The following MAP7D2 variants were observed in gnomAD, a reference collection of about 807,000 sequenced individuals.
The protein encoded by MAP7D2 is MAP7 domain-containing protein 2.
MAP7D2 carries 33 observed loss-of-function variants against 63.5 expected under a neutral mutation model. The ratio of observed to expected loss-of-function variants is 0.52; its 90% CI spans 0.39 to 0.70. MAP7D2 has a LOEUF of 0.70. Ranked by LOEUF, MAP7D2 falls within the 30% of genes least tolerant of loss-of-function variation. The pLI is 0.00. For missense variants in MAP7D2, 626 were observed against 604.0 expected, an observed-to-expected ratio of 1.04 and a Z score of -0.38; for synonymous variants, 224 against 223.7, an observed-to-expected ratio of 1.00 and a Z score of -0.01.
chrX:20,094,513 TA>T (rs2066171218), intron 1 of MAP7D2, among the ~76,000 whole-genome samples: 1 of 6,018 alleles, frequency 1.7e-4, no homozygotes, highest in Non-Finnish European at 2.4e-4. Context: ...TATATATATA[TA>T]TGTATATATA....
chrX:20,080,269 G>C (rs926352927), intron 1 of MAP7D2, among the ~76,000 whole-genome samples: 1 of 110,418 alleles, frequency 9.1e-6, no homozygotes, highest in Non-Finnish European at 1.9e-5. Flanking sequence ...TTCCCTGTGC[G>C]GTGGTTGCAA....
At chrX:20,056,010 G>A (rs2065061253) in intron 4 of MAP7D2, among the ~76,000 whole-genome samples, 1 of 111,959 alleles carries the variant, frequency 8.9e-6, no homozygotes, top group Non-Finnish European at 1.9e-5. Context: ...ATACAGCAAA[G>A]TCAAGAACTG....
intron 1 of MAP7D2, among the ~76,000 whole-genome samples, chrX:20,093,581 C>T (rs1277426174): frequency 9.0e-6 from 1 of 110,794 alleles, no homozygotes; most frequent in African/African-American, 3.3e-5. Context: ...CGCTTGAACC[C>T]GGGAGGCAGA....
Position 20,027,242 on chromosome X carries a change from C to G in MAP7D2, c.1008-1290G>C, listed in dbSNP as rs776576242. ...GGATGGTGCTTCGACTCTCTGCAGA[C>G]TATTCTCCCCTCTGGCCTTGGGCTC... is the stretch of plus-strand genomic sequence containing the variant. On this transcript the variant is annotated intron_variant, in intron 8 of 16. Coordinates refer to ENST00000379643, the MANE Select transcript of MAP7D2 (RefSeq NM_001168465.2). Among the ~76,000 whole-genome samples the G allele has an allele frequency of 1.1e-4, 12 of 112,488 alleles. No homozygotes were observed. The South Asian group carries it at 2.6e-3, about 24-fold the overall frequency.
At position 20,056,711 on chromosome X, in the gene MAP7D2, T is replaced by A; in HGVS notation, c.453A>T (p.Ala151=). The change falls in exon 4 of 17, where the codon GCA becomes GCT. Residue 151 remains alanine, a synonymous_variant. Coordinates refer to ENST00000379643, the MANE Select transcript of MAP7D2 (RefSeq NM_001168465.2). ...LELKKKYSWG[A]PLAIGPGGHD... ...GTCCTCCGGGTCCAATGGCCAGTGGTGCTCCCCACGAATACTTCTTTTTCA... is the reference window on the plus strand; with the variant it reads ...GTCCTCCGGGTCCAATGGCCAGTGGAGCTCCCCACGAATACTTCTTTTTCA... 2.5e-6 allele frequency: 3 copies of A among 1,211,171 alleles called. No individual in the cohort carries two copies. The African/African-American group carries it at 5.2e-5, about 21-fold the overall frequency.
At chrX:20,049,879 T>TA (rs748068415) in intron 6 of MAP7D2, 1 of 320,354 alleles carries the variant, frequency 3.1e-6, no homozygotes, top group South Asian at 2.8e-5. Context: ...CTAGTCATCC[T>TA]AGTGGGTGTA....
chrX:20,063,859 G>A lies in MAP7D2; in HGVS notation c.209-282C>T, dbSNP rs758489795. ...GTTAAGATTGAACAAGATGATGACC[G>A]TGAAGTTCACAGTAAGTGCCTCCCC... On this transcript the variant is annotated intron_variant, in intron 2 of 16. Coordinates refer to ENST00000379643, the MANE Select transcript of MAP7D2 (RefSeq NM_001168465.2). Among the ~76,000 whole-genome samples the A allele has an allele frequency of 2.4e-4, 27 of 112,444 alleles. No homozygotes were observed. The East Asian group carries it at 6.2e-3, about 26-fold the overall frequency.
intron 1 of MAP7D2, among the ~76,000 whole-genome samples, chrX:20,081,228 G>A (rs2065769474): frequency 8.9e-6 from 1 of 112,108 alleles, no homozygotes. Context: ...TCTATTCATG[G>A]TGATGTGTAT....
chrX:20,101,009 A>G (rs1185184170), intron 1 of MAP7D2, among the ~76,000 whole-genome samples: 1 of 106,944 alleles, frequency 9.4e-6, no homozygotes, highest in African/African-American at 3.5e-5. Flanking sequence ...CAACAAGAGT[A>G]AAACTCCGTC....
At chrX:20,013,182 A>G (rs1199511541) in intron 13 of MAP7D2, 50 bp from the exon 14 acceptor site, 1 of 962,026 alleles carries the variant, frequency 1.0e-6, no homozygotes, top group Non-Finnish European at 1.5e-6. Flanking sequence ...GACATCACAC[A>G]GAAAAAAAGT....
intron 3 of MAP7D2, 38 bp downstream of exon 3, chrX:20,063,376 G>A (rs1346551438): frequency 1.2e-5 from 14 of 1,192,498 alleles, no homozygotes; most frequent in Admixed American, 4.5e-5. Flanking sequence ...GCCTGCTGAG[G>A]GGGCTGGAAG....
intron 3 of MAP7D2, among the ~76,000 whole-genome samples, chrX:20,059,118 T>C (rs912417532): frequency 5.3e-5 from 6 of 112,435 alleles, no homozygotes; most frequent in East Asian, 2.8e-4. Flanking sequence ...TGATAATGAC[T>C]AGTATGCAGT....
intron 6 of MAP7D2, chrX:20,049,818 G>A: frequency 3.1e-6 from 1 of 324,734 alleles, no homozygotes. Context: ...TGAGGGAAGA[G>A]TGTCTCCACA....
intron 1 of MAP7D2, among the ~76,000 whole-genome samples, chrX:20,101,897 C>A (rs181217597): frequency 5.3e-5 from 6 of 112,664 alleles, no homozygotes; most frequent in African/African-American, 1.9e-4. Context: ...CTGAACTGTA[C>A]ACTTCAAAAT....
chrX:20,093,997 T>A (rs1233979665), intron 1 of MAP7D2, among the ~76,000 whole-genome samples: 2 of 111,773 alleles, frequency 1.8e-5, no homozygotes, highest in Non-Finnish European at 3.8e-5. Flanking sequence ...AACTAAAGGA[T>A]GAGAACAAGT....
intron 1 of MAP7D2, among the ~76,000 whole-genome samples, chrX:20,114,410 T>A (rs144759570): frequency 6.7e-4 from 75 of 112,526 alleles, no homozygotes; most frequent in Non-Finnish European, 1.1e-3. Flanking sequence ...AAAGGAAATA[T>A]GGTTGAGATC....
At chrX:20,060,430 G>GAA (rs1569098322) in intron 3 of MAP7D2, among the ~76,000 whole-genome samples, 1,111 of 58,756 alleles carry the variant, frequency 0.019, 25 homozygotes, top group African/African-American at 0.072. Flanking sequence ...GAGAGAGAGA[G>GAA]AGAGAAAGAA....
intron 1 of MAP7D2, among the ~76,000 whole-genome samples, chrX:20,076,768 G>C (rs1012919058): frequency 3.6e-5 from 4 of 111,214 alleles, no homozygotes; most frequent in African/African-American, 1.3e-4. Flanking sequence ...GAGAAATAGG[G>C]AACTACTTTA....
At chrX:20,022,350 C>A (rs1268702524) in intron 10 of MAP7D2, among the ~76,000 whole-genome samples, 1 of 111,135 alleles carries the variant, frequency 9.0e-6, no homozygotes, top group African/African-American at 3.3e-5. Flanking sequence ...TTGACAGGTT[C>A]GGGTGGATCC....
Sources: allele counts gnomAD v4.1 joint callset (sites outside exome capture counted in the v4.1 genomes callset), GRCh38; gene constraint gnomAD v4.1.1; transcripts MANE v1.5; gene names NCBI Gene and HGNC (gene_info 2026-07-23, HGNC 2026-07-21).